Variants in ST3GAL2 observed in about 807,000 individuals in gnomAD.
ST3GAL2 encodes CMP-N-acetylneuraminate-beta-galactosamide-alpha-2,3-sialyltransferase 2.
In ST3GAL2, 16 loss-of-function variants were observed where a neutral mutation model predicts 37.5. The observed-to-expected ratio is 0.43, with a 90% CI of 0.29 to 0.65. The LOEUF (loss-of-function observed/expected upper bound fraction) is 0.65, where lower values mean the gene tolerates loss of function less well. Ranked by LOEUF, ST3GAL2 falls within the 30% of genes least tolerant of loss-of-function variation. The pLI is 0.17. For missense variants in ST3GAL2, 383 were observed against 487.8 expected (o/e 0.79, Z 2.02); for synonymous variants, 238 against 202.9 (o/e 1.17, Z -1.47).
intron 4 of ST3GAL2, among the ~76,000 whole-genome samples, chr16:70,386,580 G>A (rs943917367): frequency 4.0e-5 from 6 of 151,570 alleles, no homozygotes; most frequent in Non-Finnish European, 7.4e-5. Flanking sequence ...CCTCATGATC[G>A]CCCACATCGG....
intron 1 of ST3GAL2, among the ~76,000 whole-genome samples, chr16:70,405,638 C>T (rs1223953264): frequency 6.6e-6 from 1 of 151,692 alleles, no homozygotes; most frequent in Non-Finnish European, 1.5e-5. Context: ...ATAGGCAAAT[C>T]CATAGAGACA....
intron 3 of ST3GAL2, among the ~76,000 whole-genome samples, chr16:70,390,822 C>A (rs575080766): frequency 6.6e-6 from 1 of 152,176 alleles, no homozygotes; most frequent in Non-Finnish European, 1.5e-5. Flanking sequence ...ATGCATCTTA[C>A]GTAACAGGTG....
At chr16:70,390,939 A>G (rs2047478282) in intron 3 of ST3GAL2, among the ~76,000 whole-genome samples, 1 of 152,148 alleles carries the variant, frequency 6.6e-6, no homozygotes, top group Non-Finnish European at 1.5e-5. Flanking sequence ...ATGACTACCA[A>G]AGCAGGGTGA....
rs975540908 is a variant in ST3GAL2 at position 70,398,235 on chromosome 16, C to T, written c.296G>A (p.Arg99Gln). The change falls in exon 2 of 7, where the codon CGA (arginine) becomes CAA (glutamine). Residue 99 changes from arginine (R) to glutamine (Q), a missense_variant. Transcript: ENST00000342907. ...GTCCGGTGGAAGATCCATGTTCTCT[C>T]GGGTCCAGACGGGGGAAATGTTACC... is the stretch of plus-strand genomic sequence containing the variant. ...FDGNISPVWTRENMDLPPDVQ... is the reference protein window; with the variant it reads ...FDGNISPVWTQENMDLPPDVQ... 7 of 1,613,290 alleles carry T rather than the reference C, an allele frequency of 4.3e-6. No homozygotes were observed. The highest frequency in any genetic ancestry group is 1.6e-4 in the Middle Eastern group (1 of 6,082).
rs2047375990 is a variant in ST3GAL2 at position 70,379,213 on chromosome 16, A to T, written c.*2476T>A. On this transcript the variant is annotated 3_prime_UTR_variant, in exon 7 of 7. Transcript: ENST00000342907. ...ACAGAGGCCAAAGTGGTTACAGGAC[A>T]GCCACTGCGAGGAGCTGCTACCAGG... The T allele has an allele frequency of 1.3e-5, 2 of 152,208 alleles. No individual in the cohort carries two copies. The highest frequency in any genetic ancestry group is 4.1e-4 in the South Asian group (2 of 4,822). 9.4% of individuals were successfully genotyped at this position (152,208 alleles called of 1,614,324 possible). A position where few individuals can be genotyped will look rare whatever the true frequency, so the allele number is the denominator to read the frequency against.
At position 70,381,826 on chromosome 16, in the gene ST3GAL2, T is replaced by A. The variant is rs773296076; in HGVS notation, c.916A>T (p.Asn306Tyr). 3 of 1,614,018 alleles carry A rather than the reference T, an allele frequency of 1.9e-6. No individual in the cohort carries two copies. In the Admixed American group the frequency reaches 5.0e-5, roughly 27 times the overall value. ...VYGFGADSRG[N>Y]WHHYWENNRY... ...TTGTTCTCCCAGTAGTGGTGCCAGTTGCCCCGGCTGTCGGCCCCGAACCCG... is the reference window on the plus strand; with the variant it reads ...TTGTTCTCCCAGTAGTGGTGCCAGTAGCCCCGGCTGTCGGCCCCGAACCCG... Residue 306 changes from asparagine to tyrosine, a missense_variant, in exon 7 of 7, where the codon AAC (asparagine) becomes TAC (tyrosine). Physicochemically the swap from Asn to Tyr is moderately radical, Grantham distance 143 (BLOSUM62 -2). Coordinates refer to ENST00000342907, the MANE Select transcript of ST3GAL2 (RefSeq NM_006927.4).
intron 1 of ST3GAL2, among the ~76,000 whole-genome samples, chr16:70,410,436 G>C (rs1480722255): frequency 6.6e-6 from 1 of 150,546 alleles, no homozygotes. Context: ...TGTATTTTTA[G>C]TAGAGACAGG....
rs1273516104 is a variant in ST3GAL2, at chr16:70,380,396, T to A, written c.*1293A>T. The A allele has an allele frequency of 6.6e-6, 1 of 152,084 alleles. No individual in the cohort carries two copies. The highest frequency in any genetic ancestry group is 1.5e-5 in the Non-Finnish European group (1 of 68,048). The allele number at this position is 152,084 out of a possible 1,614,324, so 9.4% of individuals were successfully genotyped here. ...ACTGTTGGGGAGGGGGCTCTATTAG[T>A]GGTTTGAGAGCTTCACAGAAGCCTT... On this transcript the variant is annotated 3_prime_UTR_variant, in exon 7 of 7. Transcript: ENST00000342907.
intron 1 of ST3GAL2, among the ~76,000 whole-genome samples, chr16:70,427,306 C>CCAAGCCCCT (rs796946656): frequency 2.4e-4 from 36 of 151,608 alleles, no homozygotes; most frequent in African/African-American, 7.0e-4. Context: ...CATGCATAAT[C>CCAAGCCCCT]CAAGCCCCTC....
Position 70,400,177 on chromosome 16 carries a change from A to C in ST3GAL2, c.-1003-644T>G, listed in dbSNP as rs182373409. 20 of 152,412 alleles carry C rather than the reference A, an allele frequency of 1.3e-4. 1 individual carries two copies. The highest frequency in any genetic ancestry group is 4.8e-4 in the African/African-American group (20 of 41,598). 9.4% of individuals were successfully genotyped at this position (152,412 alleles called of 1,614,324 possible). On this transcript the variant is annotated intron_variant, in intron 1 of 6. Transcript: ENST00000342907. ...TACATCCATCTGTACATTATGGACAAAGTGAATGCCAGCGTCCCTGGTAGC... is the reference window on the plus strand; with the variant it reads ...TACATCCATCTGTACATTATGGACACAGTGAATGCCAGCGTCCCTGGTAGC...
chr16:70,407,650 C>T (rs1187864629), intron 1 of ST3GAL2, among the ~76,000 whole-genome samples: 1 of 152,184 alleles, frequency 6.6e-6, no homozygotes, highest in African/African-American at 2.4e-5. Context: ...CTACTTCCAC[C>T]TCCCAGTACA....
chr16:70,410,505 G>A lies in ST3GAL2; in HGVS notation c.-1003-10972C>T, dbSNP rs193184342. Among the ~76,000 whole-genome samples the A allele has an allele frequency of 3.3e-3, 496 of 151,204 alleles. 2 individuals carry two copies. Among genetic ancestry groups the A allele is most frequent in the African/African-American group, 0.011 (437 of 41,198 alleles). On this transcript the variant is annotated intron_variant, in intron 1 of 6. Transcript: ENST00000342907. The stretch of plus-strand genomic sequence containing the variant: ...CCTGACCTCGTGATCTGCCTGCGTC[G>A]GCCTCCCAAAGTGCTGGGATTACAG...
chr16:70,420,029 T>A (rs1009551541), intron 1 of ST3GAL2, among the ~76,000 whole-genome samples: 3 of 149,498 alleles, frequency 2.0e-5, no homozygotes, highest in African/African-American at 7.4e-5. Context: ...CTTCCCTTTT[T>A]TTTTTTTTTT....
In ST3GAL2 at chr16:70,381,418, C is replaced by A. The variant is rs1030833213; in HGVS notation, c.*271G>T. 2.2e-6 allele frequency: 1 copy of A among 445,194 alleles called. No individual in the cohort carries two copies. Among genetic ancestry groups the A allele is most frequent in the East Asian group, 4.0e-5 (1 of 25,134 alleles). The allele number at this position is 445,194 out of a possible 1,614,324, so 27.6% of individuals were successfully genotyped here. A position where few individuals can be genotyped will look rare whatever the true frequency, so the allele number is the denominator to read the frequency against. ...GGAGTGGGGATTGAGCGGCCGCTGG[C>A]CCGCCCCCGAAGGCCATTGATTGGA... On this transcript the variant is annotated 3_prime_UTR_variant, in exon 7 of 7. Coordinates refer to ENST00000342907, the MANE Select transcript of ST3GAL2 (RefSeq NM_006927.4).
chr16:70,401,994 CAAA>C (rs749422742), intron 1 of ST3GAL2, among the ~76,000 whole-genome samples: 1 of 60,198 alleles, frequency 1.7e-5, no homozygotes, highest in Non-Finnish European at 3.0e-5. Context: ...AACTCTGCCT[CAAA>C]AAAAAAAAAA....
At chr16:70,397,103 C>T (rs1320993863) in intron 2 of ST3GAL2, among the ~76,000 whole-genome samples, 1 of 139,290 alleles carries the variant, frequency 7.2e-6, no homozygotes, top group Non-Finnish European at 1.5e-5. Context: ...TGCAATGGTG[C>T]AATCTCGGCT....
At chr16:70,420,635 G>A (rs1208419135) in intron 1 of ST3GAL2, among the ~76,000 whole-genome samples, 4 of 152,216 alleles carry the variant, frequency 2.6e-5, no homozygotes, top group Non-Finnish European at 5.9e-5. Flanking sequence ...GGGTCCGAAA[G>A]CTTTGGAAAC....
chr16:70,432,929 A>G (rs1371568702), intron 1 of ST3GAL2, among the ~76,000 whole-genome samples: 1 of 152,270 alleles, frequency 6.6e-6, no homozygotes, highest in East Asian at 1.9e-4. Flanking sequence ...AGAGAGCCCC[A>G]GCTGTGTCCA....
Position 70,398,228 on chromosome 16 carries a change from G to A in ST3GAL2, c.303C>T (p.Asn101=), listed in dbSNP as rs776361910. The A allele has an allele frequency of 2.5e-6, 4 of 1,613,426 alleles. No individual in the cohort carries two copies. The highest frequency in any genetic ancestry group is 3.4e-6 in the Non-Finnish European group (4 of 1,180,026). The stretch of plus-strand genomic sequence containing the variant: ...TCTGGACGTCCGGTGGAAGATCCAT[G>A]TTCTCTCGGGTCCAGACGGGGGAAA... ...GNISPVWTRE[N]MDLPPDVQRW... is the part of the protein sequence containing the mutation. Residue 101 remains asparagine, a synonymous_variant, in exon 2 of 7, where the codon AAC becomes AAT. Transcript: ENST00000342907.
Sources: allele counts gnomAD v4.1 joint callset (sites outside exome capture counted in the v4.1 genomes callset), GRCh38; gene constraint gnomAD v4.1.1; transcripts MANE v1.5; gene names NCBI Gene and HGNC (gene_info 2026-07-23, HGNC 2026-07-21).